The following UMOD variants were observed in gnomAD, a reference collection of about 807,000 sequenced individuals.
UMOD encodes Tamm-Horsfall urinary glycoprotein.
A neutral mutation model predicts 66.0 loss-of-function variants in UMOD; 64 were observed. The observed-to-expected ratio is 0.97, with a 90% CI of 0.79 to 1.19. UMOD has a LOEUF of 1.19. UMOD is among the 50% of genes most tolerant of loss of function. UMOD has a pLI of 0.00. For missense variants in UMOD, 764 were observed against 850.9 expected, an observed-to-expected ratio of 0.90 and a Z score of 1.27; for synonymous variants, 398 against 352.7, an observed-to-expected ratio of 1.13 and a Z score of -1.44.
upstream of UMOD, among the ~76,000 whole-genome samples, chr16:20,355,789 TG>T (rs1448374526): frequency 3.3e-5 from 5 of 152,188 alleles, no homozygotes; most frequent in African/African-American, 1.2e-4. Context: ...GCACTTCTCT[TG>T]GGTCAGACAC....
At position 20,336,722 on chromosome 16, in the gene UMOD, G is replaced by A; in HGVS notation, c.1746C>T (p.Cys582=). The change falls in exon 9 of 11, where the codon TGC becomes TGT. Residue 582 remains cysteine, a synonymous_variant. Transcript: ENST00000396138. ...DTMNEKCKPT[C]SGTRFRSGSV... is the part of the protein sequence containing the mutation. ...TCCCACTTCGGAATCTGGTCCCAGA[G>A]CAGGTCTACAGGGAGAGGGCAATAG... 6.2e-7 allele frequency: 1 copy of A among 1,614,094 alleles called. No homozygotes were observed. Among genetic ancestry groups the A allele is most frequent in the Non-Finnish European group, 8.5e-7 (1 of 1,179,958 alleles).
Position 20,341,316 on chromosome 16 carries a change from C to T in UMOD, c.1352G>A (p.Gly451Asp), listed in dbSNP as rs1965204565. The T allele has an allele frequency of 6.2e-7, 1 of 1,613,828 alleles. No individual in the cohort carries two copies. The highest frequency in any genetic ancestry group is 8.5e-7 in the Non-Finnish European group (1 of 1,180,008). ...PMVSALNIRV[G>D]GTGMFTVRMA... The stretch of plus-strand genomic sequence containing the variant: ...CCGCACGGTGAACATGCCGGTCCCG[C>T]CCACTCTGATGTTTAGAGCACTGCC... Residue 451 changes from glycine (G) to aspartate (D), a missense_variant, in exon 7 of 11, where the codon GGC becomes GAC. By Grantham distance (94) the Gly-to-Asp change is moderately conservative. Coordinates refer to ENST00000396138, the MANE Select transcript of UMOD (RefSeq NM_003361.4).
Position 20,349,075 on chromosome 16 carries a change from T to C in UMOD, c.226A>G (p.Asn76Asp), listed in dbSNP as rs766532087. The C allele has an allele frequency of 2.5e-6, 4 of 1,611,830 alleles. No individual in the cohort carries two copies. Among genetic ancestry groups the C allele is most frequent in the South Asian group, 1.1e-5 (1 of 90,544 alleles). The change falls in exon 3 of 11, where the codon AAC (asparagine) becomes GAC (aspartate). Residue 76 changes from asparagine (N) to aspartate (D), a missense_variant. Transcript: ENST00000396138. ...ACGCAGCTGCTGTTGGCGGAGCAGTTGTGAGCTCCAGGAATGGCGCACTCA... is the reference window on the plus strand; with the variant it reads ...ACGCAGCTGCTGTTGGCGGAGCAGTCGTGAGCTCCAGGAATGGCGCACTCA... ...LDECAIPGAH[N>D]CSANSSCVNT...
At chr16:20,333,455 C>A in intron 10 of UMOD, 80 bp from the exon 11 acceptor site, 1 of 1,364,498 alleles carries the variant, frequency 7.3e-7, no homozygotes, top group Middle Eastern at 1.9e-4. Flanking sequence ...CTCGTCTAGG[C>A]TGACCAATCA....
rs139080345 is a variant in UMOD, at chr16:20,341,700, G to A, written c.1332-364C>T. ...GCTTTGCTACCCCTGTAGCTTTCAA[G>A]ATGGCAAAAAAACAAATTATTGACA... On this transcript the variant is annotated intron_variant, in intron 6 of 10. Transcript: ENST00000396138. Among the ~76,000 whole-genome samples the A allele has an allele frequency of 2.3e-3, 349 of 148,906 alleles. 1 individual carries two copies. Among genetic ancestry groups the A allele is most frequent in the African/African-American group, 8.2e-3 (339 of 41,466 alleles).
chr16:20,349,262 C>T (rs1385848073), intron 2 of UMOD, 50 bp from the exon 3 acceptor site: 5 of 1,582,776 alleles, frequency 3.2e-6, no homozygotes, highest in Admixed American at 1.7e-5. Context: ...GGGCCCATGG[C>T]CACCCAGAGA....
intron 7 of UMOD, 58 bp from the exon 8 acceptor site, chr16:20,337,511 C>A (rs1964955106): frequency 6.2e-7 from 1 of 1,607,784 alleles, no homozygotes; most frequent in African/African-American, 1.3e-5. Flanking sequence ...TGGAGTCAGA[C>A]TTCCTGGATT....
chr16:20,345,226 C>A (rs915962413), intron 5 of UMOD, among the ~76,000 whole-genome samples: 1 of 152,114 alleles, frequency 6.6e-6, no homozygotes, highest in Non-Finnish European at 1.5e-5. Context: ...GTTGGCCAGG[C>A]TGGTCTCAAA....
At chr16:20,334,835 A>ATT (rs11365132) in intron 10 of UMOD, among the ~76,000 whole-genome samples, 5 of 137,888 alleles carry the variant, frequency 3.6e-5, no homozygotes, top group Non-Finnish European at 6.3e-5. Context: ...TTTGTCACCT[A>ATT]TTTTTTTTTT....
At chr16:20,345,255 C>A (rs554949115) in intron 5 of UMOD, among the ~76,000 whole-genome samples, 1 of 152,298 alleles carries the variant, frequency 6.6e-6, no homozygotes, top group East Asian at 1.9e-4. Flanking sequence ...CTCAAGTTAT[C>A]CACCCGCCTC....
At chr16:20,343,723 A>G (rs566748807) in intron 6 of UMOD, among the ~76,000 whole-genome samples, 1 of 152,342 alleles carries the variant, frequency 6.6e-6, no homozygotes, top group South Asian at 2.1e-4. Context: ...AGGGACTATC[A>G]ATTTCCCAAA....
At chr16:20,335,216 G>A (rs1341493374) in intron 10 of UMOD, among the ~76,000 whole-genome samples, 1 of 152,168 alleles carries the variant, frequency 6.6e-6, no homozygotes, top group African/African-American at 2.4e-5. Context: ...TCTGGAGTGT[G>A]TGCATATCCT....
rs1351906215 is a variant in UMOD at position 20,336,741 on chromosome 16, G to A, written c.1741-14C>T. 6.2e-7 allele frequency: 1 copy of A among 1,613,014 alleles called. No individual in the cohort carries two copies. The highest frequency in any genetic ancestry group is 8.5e-7 in the Non-Finnish European group (1 of 1,179,112). On this transcript the variant is annotated splice_polypyrimidine_tract_variant and intron_variant, in intron 8 of 10. Transcript: ENST00000396138. Reference sequence around the variant, plus strand: ...CCCAGAGCAGGTCTACAGGGAGAGGGCAATAGAAAAACACCCTCCATGAAG... The same window carrying A: ...CCCAGAGCAGGTCTACAGGGAGAGGACAATAGAAAAACACCCTCCATGAAG...
chr16:20,352,018 C>G lies in UMOD; in HGVS notation c.-103+671G>C, dbSNP rs187444160. The stretch of plus-strand genomic sequence containing the variant: ...GGGTGACAGAGAGTCCATCCCCCCC[C>G]CCCAAAAAAAAAAAGACAGAAAGAA... On this transcript the variant is annotated intron_variant, in intron 1 of 10. Transcript: ENST00000396138. Among the ~76,000 whole-genome samples the G allele has an allele frequency of 9.9e-4, 140 of 141,470 alleles. 1 individual carries two copies. Among genetic ancestry groups the G allele is most frequent in the Non-Finnish European group, 1.6e-3 (107 of 66,428 alleles). 92.8% of individuals were successfully genotyped at this position (141,470 alleles called of 152,430 possible).
chr16:20,333,448 G>A (rs978950852), intron 10 of UMOD, 73 bp from the exon 11 acceptor site: 67 of 1,427,648 alleles, frequency 4.7e-5, no homozygotes, highest in Admixed American at 9.7e-5. Context: ...AAGCTGCCTC[G>A]TCTAGGCTGA....
upstream of UMOD, chr16:20,352,759 G>A: frequency 8.1e-7 from 1 of 1,231,028 alleles, no homozygotes; most frequent in Non-Finnish European, 1.0e-6. Context: ...TTTGCCCCAG[G>A]CTGGCAATCT....
intron 6 of UMOD, among the ~76,000 whole-genome samples, chr16:20,342,914 G>A (rs1965314915): frequency 6.6e-6 from 1 of 152,086 alleles, no homozygotes. Flanking sequence ...TGGATTGCCT[G>A]AGGTCAGGAG....
chr16:20,347,293 G>A (rs1240945520), intron 4 of UMOD, among the ~76,000 whole-genome samples: 1 of 152,130 alleles, frequency 6.6e-6, no homozygotes, highest in Non-Finnish European at 1.5e-5. Flanking sequence ...AAAGTGCTGG[G>A]ATTACAGGCA....
chr16:20,346,121 C>G lies in UMOD; in HGVS notation c.1182+5G>C, dbSNP rs755374625. ...TGGTTCTGTCCCCCACTGGCCAGGA[C>G]GTACCGTCAACACTGTCCCACAGGG... On this transcript the variant is annotated splice_donor_5th_base_variant and intron_variant, in intron 5 of 10. Transcript: ENST00000396138. The G allele has an allele frequency of 1.2e-6, 2 of 1,613,248 alleles. No homozygotes were observed. Among genetic ancestry groups the G allele is most frequent in the South Asian group, 2.2e-5 (2 of 91,044 alleles).
Sources: allele counts gnomAD v4.1 joint callset (sites outside exome capture counted in the v4.1 genomes callset), GRCh38; gene constraint gnomAD v4.1.1; transcripts MANE v1.5; gene names NCBI Gene and HGNC (gene_info 2026-07-23, HGNC 2026-07-21).